The following MACF1 variants were observed in gnomAD, a reference collection of about 807,000 sequenced individuals.
The protein encoded by MACF1 is microtubule-actin cross-linking factor 1.
A neutral mutation model predicts 854.8 loss-of-function variants in MACF1; 193 were observed. That is an observed-to-expected ratio of 0.23 (90% CI 0.20 to 0.25). The LOEUF is 0.25. Among genes scored for constraint, MACF1 ranks in the 10% least tolerant of loss-of-function variants. The pLI is 1.00. For synonymous variants in MACF1, 3,185 were observed against 3,226.7 expected (o/e 0.99, Z 0.44); for missense variants, 7,722 against 8,929.1 (o/e 0.86, Z 5.45).
chr1:39,388,704 T>C, intron 58 of MACF1, 46 bp downstream of exon 58: 1 of 1,493,816 alleles, frequency 6.7e-7, no homozygotes, highest in African/African-American at 1.4e-5. Context: ...TGTATTTATT[T>C]GCTTGTAACT....
intron 2 of MACF1, among the ~76,000 whole-genome samples, chr1:39,147,514 T>G (rs1332974348): frequency 2.8e-5 from 4 of 142,116 alleles, no homozygotes; most frequent in Admixed American, 2.7e-4. Flanking sequence ...TTTCTTTTCC[T>G]CCTTTCTTTT....
intron 64 of MACF1, among the ~76,000 whole-genome samples, 186 bp downstream of exon 64, chr1:39,429,512 C>G (rs1643831935): frequency 6.6e-6 from 1 of 152,088 alleles, no homozygotes; most frequent in African/African-American, 2.4e-5. Flanking sequence ...ACTAAGTTAT[C>G]TCACATCTGG....
Position 39,331,566 on chromosome 1 carries a change from G to A in MACF1, c.4978G>A (p.Gly1660Ser), listed in dbSNP as rs746220356. Residue 1660 changes from glycine (G) to serine (S), a missense_variant, in exon 37 of 101, where the codon GGT becomes AGT. Coordinates refer to ENST00000564288, the MANE Select transcript of MACF1 (RefSeq NM_001394062.1). Reference protein sequence around the residue: ...KILEAHLATGGFSLSPSENCI... With the variant: ...KILEAHLATGSFSLSPSENCI... ...CTTAGAAGCTCACCTGGCAACTGGA[G>A]GTTTCAGTCTTTCCCCTAGTGAGAA... 2.5e-6 allele frequency: 4 copies of A among 1,614,180 alleles called. No homozygotes were observed. Among genetic ancestry groups the A allele is most frequent in the Middle Eastern group, 1.6e-4 (1 of 6,062 alleles).
chr1:39,392,960 A>G (rs1642093348), intron 58 of MACF1, among the ~76,000 whole-genome samples: 1 of 152,034 alleles, frequency 6.6e-6, no homozygotes, highest in Admixed American at 6.6e-5. Flanking sequence ...AAGCCATTCT[A>G]GAAATCACTA....
intron 2 of MACF1, among the ~76,000 whole-genome samples, chr1:39,127,649 T>C (rs1642893422): frequency 6.6e-6 from 1 of 152,226 alleles, no homozygotes; most frequent in Non-Finnish European, 1.5e-5. Flanking sequence ...ACTGTTTGGC[T>C]TGAGTCTCCT....
At chr1:39,364,653 T>C (rs889844854) in intron 49 of MACF1, among the ~76,000 whole-genome samples, 2 of 151,688 alleles carry the variant, frequency 1.3e-5, no homozygotes, top group Non-Finnish European at 2.9e-5. Context: ...CCACCGCGCC[T>C]GGCTAATTTT....
chr1:39,246,377 C>T (rs1251433073), intron 2 of MACF1, among the ~76,000 whole-genome samples: 1 of 152,232 alleles, frequency 6.6e-6, no homozygotes, highest in Non-Finnish European at 1.5e-5. Context: ...TTAAATTCAA[C>T]ATATTTAAAA....
chr1:39,396,826 T>C (rs531651522), intron 58 of MACF1, among the ~76,000 whole-genome samples: 2 of 152,338 alleles, frequency 1.3e-5, no homozygotes, highest in Non-Finnish European at 2.9e-5. Flanking sequence ...GGCTGTCTCC[T>C]GCTGAATGGA....
chr1:39,383,451 A>G (rs993416369), intron 56 of MACF1, among the ~76,000 whole-genome samples: 1 of 152,230 alleles, frequency 6.6e-6, no homozygotes, highest in Non-Finnish European at 1.5e-5. Flanking sequence ...CATTTATTGT[A>G]TTAAAATACT....
chr1:39,214,624 C>T (rs769664284), intron 1 of MACF1, among the ~76,000 whole-genome samples: 7 of 152,050 alleles, frequency 4.6e-5, no homozygotes, highest in Non-Finnish European at 8.8e-5. Context: ...CTGGCTGAGG[C>T]GAGGCTGGCT....
At chr1:39,441,461 T>A in intron 74 of MACF1, 136 bp downstream of exon 74, 1 of 672,444 alleles carries the variant, frequency 1.5e-6, no homozygotes, top group Non-Finnish European at 2.5e-6. Context: ...TCCACAAATT[T>A]AGCCAAAGTT....
intron 2 of MACF1, among the ~76,000 whole-genome samples, chr1:39,190,416 T>TTTTTTTTC (rs1644240562): frequency 1.4e-5 from 2 of 144,804 alleles, no homozygotes; most frequent in Non-Finnish European, 3.0e-5. Context: ...TTTTTTTTTT[T>TTTTTTTTC]TTTGATGGAA....
At chr1:39,325,405 A>G (rs1646590881) in intron 35 of MACF1, among the ~76,000 whole-genome samples, 1 of 152,230 alleles carries the variant, frequency 6.6e-6, no homozygotes, top group Non-Finnish European at 1.5e-5. Flanking sequence ...TAGTATGGTG[A>G]GGAGCACATT....
intron 78 of MACF1, 137 bp downstream of exon 78, chr1:39,443,048 T>A: frequency 1.2e-6 from 1 of 823,472 alleles, no homozygotes; most frequent in Non-Finnish European, 1.9e-6. Flanking sequence ...GTGCTGTAAC[T>A]TATCTAGAAA....
At chr1:39,432,761 G>T in intron 67 of MACF1, 107 bp downstream of exon 67, 1 of 1,197,820 alleles carries the variant, frequency 8.3e-7, no homozygotes. Flanking sequence ...TGGCATGATG[G>T]TAAATAGAAA....
chr1:39,088,843 C>T (rs965963143), intron 2 of MACF1, among the ~76,000 whole-genome samples: 4 of 152,166 alleles, frequency 2.6e-5, no homozygotes, highest in Admixed American at 6.5e-5. Flanking sequence ...TCATTGCAGA[C>T]GTGTACATTT....
intron 2 of MACF1, among the ~76,000 whole-genome samples, chr1:39,146,472 A>G (rs1643466978): frequency 6.6e-6 from 1 of 151,960 alleles, no homozygotes; most frequent in Non-Finnish European, 1.5e-5. Context: ...AAAGAAAGAA[A>G]GAAAGAAAAT....
chr1:39,350,902 C>A lies in MACF1; in HGVS notation c.11083C>A (p.Arg3695=), dbSNP rs370128972. 28 of 1,613,900 alleles carry A rather than the reference C, an allele frequency of 1.7e-5. No individual in the cohort carries two copies. The East Asian group carries it at 5.6e-4, about 32-fold the overall frequency. The part of the protein sequence containing the change: ...KLSPRELTAL[R]EKLHQAKEQY... ...GAGCCCACGTGAGTTGACAGCTCTT[C>A]GGGAAAAGCTTCATCAGGCTAAGGA... The change falls in exon 43 of 101, where the codon CGG becomes AGG. Residue 3695 remains arginine, a synonymous_variant. Transcript: ENST00000564288.
At chr1:39,419,227 T>C (rs1338479925) in intron 58 of MACF1, among the ~76,000 whole-genome samples, 1 of 152,244 alleles carries the variant, frequency 6.6e-6, no homozygotes, top group African/African-American at 2.4e-5. Context: ...TTTTAACTTA[T>C]GAGAAATGAT....
Sources: allele counts gnomAD v4.1 joint callset (sites outside exome capture counted in the v4.1 genomes callset), GRCh38; gene constraint gnomAD v4.1.1; transcripts MANE v1.5; gene names NCBI Gene and HGNC (gene_info 2026-07-23, HGNC 2026-07-21).